GNAQ: variants seen among roughly 807,000 people sequenced by gnomAD.
The protein encoded by GNAQ is G protein subunit alpha q.
In GNAQ, 8 loss-of-function variants were observed where a neutral mutation model predicts 43.9. The observed-to-expected ratio is 0.18, with a 90% confidence interval of 0.11 to 0.33. The LOEUF (loss-of-function observed/expected upper bound fraction) is 0.33. Ranked by LOEUF, GNAQ falls within the 10% of genes least tolerant of loss-of-function variation. The pLI is 1.00. For missense variants in GNAQ, 158 were observed against 450.8 expected (o/e 0.35, Z 5.88); for synonymous variants, 155 against 170.7 (o/e 0.91, Z 0.71).
intron 2 of GNAQ, among the ~76,000 whole-genome samples, chr9:77,824,516 T>A (rs1827164870): frequency 6.6e-6 from 1 of 152,202 alleles, no homozygotes; most frequent in Non-Finnish European, 1.5e-5. Flanking sequence ...CAACTGTGAT[T>A]TATGTGTGAG....
chr9:77,794,415 T>TATCAGATA (rs1826626052), intron 5 of GNAQ, 48 bp downstream of exon 5: 2 of 1,290,634 alleles, frequency 1.5e-6, no homozygotes, highest in Non-Finnish European at 2.2e-6. Context: ...CATTTACTTG[T>TATCAGATA]ATCAGATAAT....
intron 2 of GNAQ, among the ~76,000 whole-genome samples, chr9:77,885,985 C>CT (rs1554723166): frequency 4.4e-5 from 3 of 68,180 alleles, no homozygotes; most frequent in East Asian, 5.3e-4. Context: ...AAGGCAGGAC[C>CT]TTTTTTTTGA....
At chr9:77,904,306 G>A (rs970994624) in intron 2 of GNAQ, among the ~76,000 whole-genome samples, 31 of 135,896 alleles carry the variant, frequency 2.3e-4, no homozygotes, top group African/African-American at 8.0e-4. Flanking sequence ...GTTAACAGAA[G>A]TTCACACCGG....
chr9:77,761,274 G>A (rs1388275565), intron 5 of GNAQ, among the ~76,000 whole-genome samples: 1 of 126,172 alleles, frequency 7.9e-6, no homozygotes, highest in African/African-American at 3.0e-5. Flanking sequence ...GGAGGGAGGT[G>A]GGGGGGTCAG....
intron 2 of GNAQ, among the ~76,000 whole-genome samples, chr9:77,902,039 T>G (rs1828624400): frequency 6.6e-6 from 1 of 152,192 alleles, no homozygotes; most frequent in African/African-American, 2.4e-5. Flanking sequence ...GGGGTTAGGA[T>G]CTCAACATAC....
intron 5 of GNAQ, among the ~76,000 whole-genome samples, chr9:77,762,160 G>C (rs1391811825): frequency 7.3e-6 from 1 of 137,312 alleles, no homozygotes; most frequent in Non-Finnish European, 1.6e-5. Flanking sequence ...CGCCCCGTCC[G>C]GGAGGTGAGG....
chr9:77,851,196 T>C (rs1827671563), intron 2 of GNAQ, among the ~76,000 whole-genome samples: 1 of 152,178 alleles, frequency 6.6e-6, no homozygotes, highest in South Asian at 2.1e-4. Context: ...AACATAATTG[T>C]CTAGCTTACA....
chr9:78,007,393 C>G (rs1206931147), intron 1 of GNAQ, among the ~76,000 whole-genome samples: 1 of 148,978 alleles, frequency 6.7e-6, no homozygotes, highest in Non-Finnish European at 1.5e-5. Flanking sequence ...TAAACTTATT[C>G]ACTGCATTCC....
intron 2 of GNAQ, among the ~76,000 whole-genome samples, chr9:77,839,203 C>T (rs1245190408): frequency 6.6e-6 from 1 of 152,204 alleles, no homozygotes; most frequent in Non-Finnish European, 1.5e-5. Flanking sequence ...AAAGTTCTTA[C>T]TGAATCATTG....
intron 5 of GNAQ, among the ~76,000 whole-genome samples, chr9:77,735,866 T>C (rs1825570689): frequency 6.6e-6 from 1 of 152,196 alleles, no homozygotes; most frequent in South Asian, 2.1e-4. Flanking sequence ...CTCCGTGTCC[T>C]TGGGCAAGTG....
intron 5 of GNAQ, among the ~76,000 whole-genome samples, chr9:77,766,353 A>G (rs1826136377): frequency 6.6e-6 from 1 of 152,214 alleles, no homozygotes; most frequent in African/African-American, 2.4e-5. Context: ...TACAGTTCAC[A>G]TGTAATAATT....
At chr9:77,964,827 T>C (rs1209629048) in intron 1 of GNAQ, among the ~76,000 whole-genome samples, 1 of 152,158 alleles carries the variant, frequency 6.6e-6, no homozygotes, top group Non-Finnish European at 1.5e-5. Context: ...CAGACACCTG[T>C]ATTTAAAAAT....
At chr9:77,998,639 T>A (rs954704311) in intron 1 of GNAQ, among the ~76,000 whole-genome samples, 3 of 152,198 alleles carry the variant, frequency 2.0e-5, no homozygotes, top group Non-Finnish European at 4.4e-5. Flanking sequence ...CTTCAATATC[T>A]ATGAACAAAA....
At chr9:78,008,777 G>A (rs1043861503) in intron 1 of GNAQ, among the ~76,000 whole-genome samples, 3 of 152,018 alleles carry the variant, frequency 2.0e-5, no homozygotes, top group Admixed American at 6.6e-5. Flanking sequence ...TGCCACAACA[G>A]CCACCTAATT....
intron 2 of GNAQ, among the ~76,000 whole-genome samples, chr9:77,850,494 C>T (rs1827656390): frequency 6.6e-6 from 1 of 152,250 alleles, no homozygotes; most frequent in South Asian, 2.1e-4. Flanking sequence ...TTTTCCAGTC[C>T]GTTCTCCACA....
chr9:77,957,230 C>T (rs1414144320), intron 1 of GNAQ, among the ~76,000 whole-genome samples: 1 of 151,968 alleles, frequency 6.6e-6, no homozygotes, highest in African/African-American at 2.4e-5. Flanking sequence ...GTGGTGTGTG[C>T]CTGTAATCCC....
At chr9:77,889,080 A>G (rs1335513818) in intron 2 of GNAQ, among the ~76,000 whole-genome samples, 1 of 152,056 alleles carries the variant, frequency 6.6e-6, no homozygotes, top group East Asian at 1.9e-4. Context: ...CACTTTACTT[A>G]GTCATGCCAT....
At chr9:77,755,816 G>A (rs911633962) in intron 5 of GNAQ, among the ~76,000 whole-genome samples, 6 of 152,096 alleles carry the variant, frequency 3.9e-5, no homozygotes, top group Non-Finnish European at 7.4e-5. Context: ...AGATGTGTAT[G>A]GGTTCAAGTT....
chr9:77,814,615 A>C (rs1423527263), intron 3 of GNAQ, among the ~76,000 whole-genome samples: 2 of 152,204 alleles, frequency 1.3e-5, no homozygotes, highest in African/African-American at 4.8e-5. Flanking sequence ...AATTTTACTG[A>C]AAAAACAGAG....
Sources: gnomAD v4.1 joint callset for allele counts (sites outside exome capture counted in the v4.1 genomes callset) on GRCh38, gnomAD v4.1.1 for gene constraint, MANE v1.5 for transcripts, NCBI Gene and HGNC (gene_info 2026-07-23, HGNC 2026-07-21) for gene names.